The following SIAE variants were observed in gnomAD, a reference collection of about 807,000 sequenced individuals.
SIAE encodes sialic acid acetylesterase.
Under a neutral mutation model 52.6 loss-of-function variants are expected in SIAE, and 39 were observed. The ratio of observed to expected loss-of-function variants is 0.74; its 90% CI spans 0.57 to 0.97. The LOEUF (loss-of-function observed/expected upper bound fraction) is 0.97, where lower values mean the gene tolerates loss of function less well. Ranked by LOEUF, SIAE falls within the 50% of genes least tolerant of loss-of-function variation. The pLI, the probability that SIAE is intolerant of heterozygous loss-of-function variation, is 0.00. For synonymous variants in SIAE, 233 were observed against 241.4 expected (o/e 0.97, Z 0.32); for missense variants, 592 against 662.1 (o/e 0.89, Z 1.16).
rs1408634199 is a variant in SIAE at position 124,660,662 on chromosome 11, C to A, written c.371G>T (p.Ser124Ile). The A allele has an allele frequency of 1.2e-6, 2 of 1,614,190 alleles. No homozygotes were observed. Among genetic ancestry groups the A allele is most frequent in the East Asian group, 4.5e-5 (2 of 44,876 alleles). Residue 124 changes from serine (S) to isoleucine (I), a missense_variant, in exon 3 of 10, where the codon AGT (serine) becomes ATT (isoleucine). Coordinates refer to ENST00000263593, the MANE Select transcript of SIAE (RefSeq NM_170601.5). ...AGTCATCTGCATGTTACTCTGCCCA[C>A]TACAGAGCCAGACATCTCCAAACAG... ...DVLFGDVWLC[S>I]GQSNMQMTVL...
chr11:124,637,216 C>T lies in SIAE; in HGVS notation c.1321-14G>A. ...GCAACAGGAGATCTAATAAGAGAGC[C>T]ATAAAATAGGAATGATTAGGTCAGA... On this transcript the variant is annotated splice_polypyrimidine_tract_variant and intron_variant, in intron 9 of 9. Transcript: ENST00000263593. The T allele has an allele frequency of 6.2e-7, 1 of 1,614,020 alleles. No individual in the cohort carries two copies. Among genetic ancestry groups the T allele is most frequent in the Non-Finnish European group, 8.5e-7 (1 of 1,180,020 alleles).
intron 9 of SIAE, among the ~76,000 whole-genome samples, chr11:124,637,877 TTTCTC>T (rs926119062): frequency 2.6e-5 from 4 of 152,134 alleles, no homozygotes; most frequent in African/African-American, 9.7e-5. Flanking sequence ...TTAATATTCT[TTTCTC>T]TTCTCCAATG....
At chr11:124,655,067 G>C (rs956668400) in intron 3 of SIAE, among the ~76,000 whole-genome samples, 1 of 152,096 alleles carries the variant, frequency 6.6e-6, no homozygotes, top group Non-Finnish European at 1.5e-5. Flanking sequence ...AGTAGCTGAG[G>C]CTAAAGAATA....
At chr11:124,649,442 C>T (rs1473383683) in intron 5 of SIAE, among the ~76,000 whole-genome samples, 177 bp downstream of exon 5, 3 of 152,002 alleles carry the variant, frequency 2.0e-5, no homozygotes, top group African/African-American at 2.4e-5. Flanking sequence ...TGTTCTCAAA[C>T]GATTGTGGTG....
In SIAE at chr11:124,645,730, C is replaced by T. The variant is rs1233670437; in HGVS notation, c.966+1635G>A. 1.3e-5 allele frequency among the ~76,000 whole-genome samples: 2 copies of T among 152,222 alleles called. No homozygotes were observed. The highest frequency in any genetic ancestry group is 2.9e-5 in the Non-Finnish European group (2 of 68,040). ...GCACAGGCCAAGGGAGAAAAAAGTACTTCCAAAGCCCAAGTGTAGTTTCCA... is the reference window on the plus strand; with the variant it reads ...GCACAGGCCAAGGGAGAAAAAAGTATTTCCAAAGCCCAAGTGTAGTTTCCA... On this transcript the variant is annotated intron_variant, in intron 7 of 9. Coordinates refer to ENST00000263593, the MANE Select transcript of SIAE (RefSeq NM_170601.5). The surrounding 1 kb of genome is among the most constrained non-coding windows in gnomAD (Gnocchi z 4.7).
chr11:124,634,705 A>C lies in SIAE; in HGVS notation c.*2246T>G, dbSNP rs1269949027. The C allele has an allele frequency of 1.3e-5, 2 of 152,254 alleles. No homozygotes were observed. The highest frequency in any genetic ancestry group is 2.9e-5 in the Non-Finnish European group (2 of 68,042). 9.4% of individuals were successfully genotyped at this position (152,254 alleles called of 1,614,324 possible). ...TGGTTAAATAAAATGAGGCTTCCAC[A>C]AACTGAAACACTCTAAATCTATATT... On this transcript the variant is annotated 3_prime_UTR_variant, in exon 10 of 10. Transcript: ENST00000263593.
chr11:124,673,891 A>G, upstream of SIAE: 1 of 638,034 alleles, frequency 1.6e-6, no homozygotes, highest in Non-Finnish European at 2.6e-6. Context: ...TAAAGAAAAA[A>G]CGGTTACCCA....
rs1476682315 is a variant in SIAE, at chr11:124,670,751, G to A, written c.68-1230C>T. ...AGCCCAGTCCCTAAAAATCCTCAGCGCTCTCTTATGAGCTAGTGTGATCAA... is the reference window on the plus strand; with the variant it reads ...AGCCCAGTCCCTAAAAATCCTCAGCACTCTCTTATGAGCTAGTGTGATCAA... On this transcript the variant is annotated intron_variant, in intron 1 of 9. Transcript: ENST00000263593. The surrounding 1 kb of genome is among the most constrained non-coding windows in gnomAD (Gnocchi z 4.5). Among the ~76,000 whole-genome samples the A allele has an allele frequency of 6.6e-6, 1 of 152,140 alleles. No individual in the cohort carries two copies. Among genetic ancestry groups the A allele is most frequent in the Non-Finnish European group, 1.5e-5 (1 of 68,034 alleles).
intron 6 of SIAE, 79 bp from the exon 7 acceptor site, chr11:124,647,577 A>G (rs141651958): frequency 0.019 from 29,642 of 1,551,668 alleles, 333 homozygotes; most frequent in Non-Finnish European, 0.021. Flanking sequence ...CCCTCCATCC[A>G]TGCCCTGAGG....
Position 124,669,347 on chromosome 11 carries a change from TG to T in SIAE, c.229+12del. On this transcript the variant is annotated intron_variant, in intron 2 of 9. Transcript: ENST00000263593. ...AAGAGGGCAATAGCTGAACGGAAGATGGGCTGCCTTACCTTTCACACTGGTC... is the reference window on the plus strand; with the variant it reads ...AAGAGGGCAATAGCTGAACGGAAGATGGCTGCCTTACCTTTCACACTGGTC... 6.2e-7 allele frequency: 1 copy of T among 1,614,096 alleles called. No homozygotes were observed. The highest frequency in any genetic ancestry group is 8.5e-7 in the Non-Finnish European group (1 of 1,179,970).
intron 1 of SIAE, among the ~76,000 whole-genome samples, chr11:124,671,967 G>A (rs1052967106): frequency 4.0e-5 from 6 of 151,086 alleles, no homozygotes; most frequent in East Asian, 1.9e-4. Context: ...TAGTAGAGAC[G>A]GGGTTTCACT....
In SIAE at chr11:124,673,700, C is replaced by T. The variant is rs770643480; in HGVS notation, c.9G>A (p.Ala3=). 8.1e-6 allele frequency: 13 copies of T among 1,613,408 alleles called. No individual in the cohort carries two copies. The Middle Eastern group carries it at 4.9e-4, about 61-fold the overall frequency. ...GCACCAGCCCGAGTACAAGCCCCGG[C>T]GCGACCATGCTTGCAAGGATCTGAC... MV[A]PGLVLGLVLP... is the part of the protein sequence containing the mutation. Residue 3 remains alanine, a synonymous_variant, in exon 1 of 10, where the codon GCG becomes GCA. Transcript: ENST00000263593.
At chr11:124,660,845 A>C (rs752187953) in intron 2 of SIAE, 42 bp from the exon 3 acceptor site, 9 of 1,606,758 alleles carry the variant, frequency 5.6e-6, no homozygotes, top group Non-Finnish European at 7.7e-6. Flanking sequence ...TCAATCAATT[A>C]AAGTGAAATC....
chr11:124,637,392 A>T (rs1263720765), intron 9 of SIAE, among the ~76,000 whole-genome samples, 190 bp from the exon 10 acceptor site: 1 of 152,214 alleles, frequency 6.6e-6, no homozygotes, highest in African/African-American at 2.4e-5. Context: ...TTGATAATAC[A>T]TGTTCATGTG....
intron 2 of SIAE, among the ~76,000 whole-genome samples, chr11:124,665,453 G>GAGCTTGGAAACAGGT (rs1943259523): frequency 6.6e-6 from 1 of 152,188 alleles, no homozygotes; most frequent in Non-Finnish European, 1.5e-5. Context: ...CAACGTAAGG[G>GAGCTTGGAAACAGGT]AGCTTGGAAA....
chr11:124,674,346 A>AC (rs1943428536), upstream of SIAE: 2 of 148,998 alleles, frequency 1.3e-5, no homozygotes, highest in South Asian at 2.1e-4. Flanking sequence ...GAGGCCAGAG[A>AC]CCCCCTCTCA....
chr11:124,664,036 A>G (rs1943233343), intron 2 of SIAE, among the ~76,000 whole-genome samples: 1 of 151,996 alleles, frequency 6.6e-6, no homozygotes, highest in African/African-American at 2.4e-5. Context: ...GCTTCCTCGC[A>G]TTTTTTCTCG....
At chr11:124,643,406 A>G (rs942206255) in intron 7 of SIAE, among the ~76,000 whole-genome samples, 2 of 152,206 alleles carry the variant, frequency 1.3e-5, no homozygotes, top group Non-Finnish European at 2.9e-5. Context: ...AGTCACTTTG[A>G]TATATTGAGA....
chr11:124,648,321 T>C, intron 5 of SIAE, 146 bp from the exon 6 acceptor site: 2 of 684,892 alleles, frequency 2.9e-6, no homozygotes, highest in East Asian at 5.6e-5. Flanking sequence ...ACTCTTTTTC[T>C]TGAAAACATA....
Sources: allele counts gnomAD v4.1 joint callset (sites outside exome capture counted in the v4.1 genomes callset), GRCh38; gene constraint gnomAD v4.1.1; non-coding constraint Gnocchi (gnomAD v3.1); transcripts MANE v1.5; gene names NCBI Gene and HGNC (gene_info 2026-07-23, HGNC 2026-07-21).